The following MMP24 variants were observed in gnomAD, a reference collection of about 807,000 sequenced individuals.
MMP24 encodes matrix metalloproteinase-24.
MMP24 carries 25 observed loss-of-function variants against 62.8 expected under a neutral mutation model. The ratio of observed to expected loss-of-function variants is 0.40; its 90% CI spans 0.29 to 0.56. The LOEUF (loss-of-function observed/expected upper bound fraction) is 0.56, where lower values mean the gene tolerates loss of function less well. Ranked by LOEUF, MMP24 falls within the 20% of genes least tolerant of loss-of-function variation. MMP24 has a pLI of 0.50. For synonymous variants in MMP24, 319 were observed against 350.5 expected (o/e 0.91, Z 1.00); for missense variants, 634 against 853.6 (o/e 0.74, Z 3.21).
intron 1 of MMP24, among the ~76,000 whole-genome samples, chr20:35,236,834 C>A (rs1300369675): frequency 6.6e-6 from 1 of 151,958 alleles, no homozygotes; most frequent in Non-Finnish European, 1.5e-5. Flanking sequence ...ATTAGCCGGG[C>A]ATGGTGGCGT....
intron 2 of MMP24, among the ~76,000 whole-genome samples, chr20:35,251,472 T>G (rs1038119106): frequency 6.6e-6 from 1 of 152,150 alleles, no homozygotes; most frequent in Admixed American, 6.5e-5. Flanking sequence ...CGCTGGAGGC[T>G]TTTAACCAGG....
intron 1 of MMP24, among the ~76,000 whole-genome samples, chr20:35,241,874 T>C (rs1354733570): frequency 6.6e-6 from 1 of 152,198 alleles, no homozygotes; most frequent in East Asian, 1.9e-4. Context: ...CTGACTGGCT[T>C]GTGAGTAGTT....
At chr20:35,267,482 C>A in intron 6 of MMP24, 63 bp downstream of exon 6, 2 of 1,465,924 alleles carry the variant, frequency 1.4e-6, no homozygotes, top group Non-Finnish European at 1.9e-6. Flanking sequence ...TCCCCGACAT[C>A]ATGGAGCTGG....
At chr20:35,247,310 A>G (rs1229597585) in intron 2 of MMP24, among the ~76,000 whole-genome samples, 1 of 151,982 alleles carries the variant, frequency 6.6e-6, no homozygotes, top group East Asian at 1.9e-4. Flanking sequence ...TCTATGGGTC[A>G]CCCTCTGGAG....
chr20:35,259,731 G>A (rs1163514753), intron 4 of MMP24, among the ~76,000 whole-genome samples: 4 of 152,114 alleles, frequency 2.6e-5, no homozygotes, highest in Non-Finnish European at 4.4e-5. Flanking sequence ...ATGAGGCAGA[G>A]ACAAGGTCCA....
chr20:35,227,083 C>G, intron 1 of MMP24, 99 bp downstream of exon 1: 2 of 932,160 alleles, frequency 2.1e-6, no homozygotes, highest in African/African-American at 1.8e-5. Flanking sequence ...CACCTACTGC[C>G]GAGGTCGCGG....
intron 2 of MMP24, among the ~76,000 whole-genome samples, chr20:35,250,562 CAAA>C (rs78628104): frequency 8.4e-6 from 1 of 118,702 alleles, no homozygotes. Flanking sequence ...GACTCTGTCT[CAAA>C]AAAAAAAAAA....
chr20:35,267,519 T>C (rs962606455), intron 6 of MMP24, 100 bp downstream of exon 6: 2 of 1,259,186 alleles, frequency 1.6e-6, no homozygotes, highest in Non-Finnish European at 2.2e-6. Flanking sequence ...GGGATTCGAT[T>C]ACAATGGGGC....
intron 3 of MMP24, 126 bp from the exon 4 acceptor site, chr20:35,254,324 G>C: frequency 1.1e-6 from 1 of 948,370 alleles, no homozygotes; most frequent in Non-Finnish European, 1.6e-6. Flanking sequence ...CAATCCCTGA[G>C]GCAGCTAAGC....
chr20:35,228,208 G>A (rs1854655339), intron 1 of MMP24, among the ~76,000 whole-genome samples: 1 of 152,180 alleles, frequency 6.6e-6, no homozygotes, highest in Non-Finnish European at 1.5e-5. Context: ...AAATTTGTAA[G>A]TGCAAATGTG....
In MMP24 at chr20:35,274,105, C is replaced by G. The variant is rs775889866; in HGVS notation, c.1601-167C>G. 1.3e-5 allele frequency among the ~76,000 whole-genome samples: 2 copies of G among 152,154 alleles called. No individual in the cohort carries two copies. Among genetic ancestry groups the G allele is most frequent in the African/African-American group, 4.8e-5 (2 of 41,450 alleles). On this transcript the variant is annotated intron_variant, in intron 8 of 8. Transcript: ENST00000246186. The surrounding 1 kb of genome is among the most constrained non-coding windows in gnomAD (Gnocchi z 5.1). ...GACCACTCCAGGTCCCGGGTGCCCC[C>G]CTCTGCAGCTTCTTACTCCATGACT...
At chr20:35,264,633 A>C (rs1373989919) in intron 5 of MMP24, among the ~76,000 whole-genome samples, 1 of 140,008 alleles carries the variant, frequency 7.1e-6, no homozygotes, top group African/African-American at 2.6e-5. Context: ...ACTTGAACCC[A>C]GGAGGCAGAG....
intron 4 of MMP24, among the ~76,000 whole-genome samples, chr20:35,256,714 CAAAAA>C (rs74173944): frequency 2.5e-5 from 1 of 39,656 alleles, no homozygotes; most frequent in South Asian, 1.7e-3. Context: ...GATTCCGTCT[CAAAAA>C]AAAAAAAAAA....
chr20:35,271,456 C>G lies in MMP24; in HGVS notation c.1334-113C>G. 7.3e-7 allele frequency: 1 copy of G among 1,371,902 alleles called. No homozygotes were observed. The highest frequency in any genetic ancestry group is 9.8e-7 in the Non-Finnish European group (1 of 1,019,736). The allele number at this position is 1,371,902 out of a possible 1,614,324, so 85.0% of individuals were successfully genotyped here. On this transcript the variant is annotated intron_variant, in intron 7 of 8. Transcript: ENST00000246186. The surrounding 1 kb of genome is among the most constrained non-coding windows in gnomAD (Gnocchi z 4.0). ...CTCAGGCTTCGTGCCCTTCCCAACT[C>G]TAACTGGGCCAAGGGGCTGAGGGCA...
chr20:35,248,348 CA>C (rs2060526784), intron 2 of MMP24, among the ~76,000 whole-genome samples: 1 of 149,686 alleles, frequency 6.7e-6, no homozygotes, highest in East Asian at 2.0e-4. Flanking sequence ...ATCTGTCACC[CA>C]GGCTGGAGGG....
In MMP24 at chr20:35,246,983, G is replaced by T; in HGVS notation, c.390G>T (p.Thr130=). Residue 130 remains threonine (T), a synonymous_variant, in exon 2 of 9, where the codon ACG becomes ACT. Transcript: ENST00000246186. ...IPVTGVLDQT[T]IEWMKKPRCG... The stretch of plus-strand genomic sequence containing the variant: ...TCACCGGTGTGTTGGATCAGACAAC[G>T]ATCGAGTAAGATTTCCATAGGACAT... 6.2e-7 allele frequency: 1 copy of T among 1,614,012 alleles called. No homozygotes were observed. Among genetic ancestry groups the T allele is most frequent in the South Asian group, 1.1e-5 (1 of 91,074 alleles).
chr20:35,240,275 G>A (rs2060483334), intron 1 of MMP24, among the ~76,000 whole-genome samples: 1 of 151,962 alleles, frequency 6.6e-6, no homozygotes, highest in Non-Finnish European at 1.5e-5. Flanking sequence ...GGCTTCTCAG[G>A]AACCCAAATC....
At chr20:35,255,405 G>C (rs1314921975) in intron 4 of MMP24, among the ~76,000 whole-genome samples, 1 of 152,048 alleles carries the variant, frequency 6.6e-6, no homozygotes, top group Non-Finnish European at 1.5e-5. Context: ...CCTGAATGAT[G>C]AGGGCTCCAA....
rs1439275883 is a variant in MMP24 at position 35,276,354 on chromosome 20, T to C, written c.*1745T>C. ...GTGATTCATAGGTTTGTACAGTGTT[T>C]TATACTTTGCAAAGCACTTTATTAG... On this transcript the variant is annotated 3_prime_UTR_variant, in exon 9 of 9. Transcript: ENST00000246186. The C allele has an allele frequency of 2.5e-6, 1 of 398,910 alleles. No homozygotes were observed. The highest frequency in any genetic ancestry group is 2.1e-5 in the African/African-American group (1 of 48,640). 24.7% of individuals were successfully genotyped at this position (398,910 alleles called of 1,614,324 possible).
Sources: allele counts gnomAD v4.1 joint callset (sites outside exome capture counted in the v4.1 genomes callset), GRCh38; gene constraint gnomAD v4.1.1; non-coding constraint Gnocchi (gnomAD v3.1); transcripts MANE v1.5; gene names NCBI Gene and HGNC (gene_info 2026-07-23, HGNC 2026-07-21).